Variants in AKAP6 observed in about 807,000 individuals in gnomAD.
AKAP6 encodes A-kinase anchoring protein 6, also known as A-kinase anchor protein 6.
A neutral mutation model predicts 188.5 loss-of-function variants in AKAP6; 58 were observed. The observed-to-expected ratio is 0.31, with a 90% confidence interval of 0.25 to 0.38. The LOEUF (loss-of-function observed/expected upper bound fraction) is 0.38, where lower values mean the gene tolerates loss of function less well. Ranked by LOEUF, AKAP6 falls within the 10% of genes least tolerant of loss-of-function variation. AKAP6 has a pLI of 1.00. For synonymous variants in AKAP6, 989 were observed against 998.6 expected (o/e 0.99, Z 0.18); for missense variants, 2,710 against 2,740.0 (o/e 0.99, Z 0.24).
At chr14:32,478,784 A>G (rs2138890108) in intron 2 of AKAP6, among the ~76,000 whole-genome samples, 1 of 152,334 alleles carries the variant, frequency 6.6e-6, no homozygotes, top group South Asian at 2.1e-4. Flanking sequence ...CTGGCTGTGC[A>G]GATGGAGGAA....
intron 2 of AKAP6, among the ~76,000 whole-genome samples, chr14:32,498,473 G>A (rs549628258): frequency 2.0e-5 from 3 of 152,084 alleles, no homozygotes; most frequent in African/African-American, 4.8e-5. Context: ...AACATCTTAA[G>A]GCATGACTTC....
chr14:32,564,533 C>G (rs1884104821), intron 4 of AKAP6, among the ~76,000 whole-genome samples: 1 of 152,102 alleles, frequency 6.6e-6, no homozygotes, highest in African/African-American at 2.4e-5. Context: ...TGAGCTTGAT[C>G]TTGAAGGATA....
chr14:32,735,105 C>CTGT, intron 10 of AKAP6, among the ~76,000 whole-genome samples: 2 of 152,130 alleles, frequency 1.3e-5, no homozygotes, highest in South Asian at 4.1e-4. Context: ...AAATCAACAA[C>CTGT]ATCACCAAGG....
In AKAP6 at chr14:32,611,355, T is replaced by A. The variant is rs187213369; in HGVS notation, c.2730+10563T>A. On this transcript the variant is annotated intron_variant, in intron 7 of 13. Transcript: ENST00000280979. ...CCTGGGCATAGATATTTTTGTAACC[T>A]CCCCAGGTGATTCTAAAGTACAGGA... Among the ~76,000 whole-genome samples, 145 of 152,242 alleles carry A rather than the reference T, an allele frequency of 9.5e-4. 1 individual carries two copies. The highest frequency in any genetic ancestry group is 3.2e-3 in the African/African-American group (133 of 41,552).
At chr14:32,614,494 T>C (rs1479854496) in intron 7 of AKAP6, among the ~76,000 whole-genome samples, 1 of 152,212 alleles carries the variant, frequency 6.6e-6, no homozygotes, top group Non-Finnish European at 1.5e-5. Flanking sequence ...TCATAAGTGG[T>C]AAAATTTGAT....
intron 5 of AKAP6, among the ~76,000 whole-genome samples, chr14:32,582,301 T>G (rs1319210353): frequency 1.3e-5 from 2 of 152,134 alleles, no homozygotes; most frequent in African/African-American, 4.8e-5. Flanking sequence ...ACTCTTTTCT[T>G]TAAGAATGTT....
At chr14:32,594,949 G>A (rs1331099444) in intron 5 of AKAP6, among the ~76,000 whole-genome samples, 2 of 152,128 alleles carry the variant, frequency 1.3e-5, no homozygotes, top group Middle Eastern at 3.4e-3. Context: ...TTTATCATCA[G>A]AACAGCCAAA....
intron 1 of AKAP6, among the ~76,000 whole-genome samples, chr14:32,414,688 A>AT (rs554668871): frequency 2.6e-5 from 4 of 152,082 alleles, no homozygotes; most frequent in Non-Finnish European, 4.4e-5. Flanking sequence ...TATAATTAAC[A>AT]TTTTTTTGTC....
intron 5 of AKAP6, among the ~76,000 whole-genome samples, chr14:32,597,094 T>G (rs1286270699): frequency 6.6e-6 from 1 of 152,216 alleles, no homozygotes; most frequent in African/African-American, 2.4e-5. Flanking sequence ...TACCTCATCT[T>G]TTCCAATTTC....
chr14:32,764,804 TA>T (rs2032655757), intron 11 of AKAP6, among the ~76,000 whole-genome samples: 1 of 152,072 alleles, frequency 6.6e-6, no homozygotes, highest in Non-Finnish European at 1.5e-5. Flanking sequence ...CACACATAAA[TA>T]TACAAAAAAT....
intron 1 of AKAP6, among the ~76,000 whole-genome samples, chr14:32,408,746 T>A (rs1486911926): frequency 1.3e-5 from 2 of 151,840 alleles, no homozygotes; most frequent in African/African-American, 4.8e-5. Context: ...ATGATCTTTG[T>A]GCCTTCACTC....
intron 4 of AKAP6, among the ~76,000 whole-genome samples, chr14:32,558,167 C>T (rs1242751954): frequency 1.3e-5 from 2 of 152,092 alleles, no homozygotes; most frequent in African/African-American, 2.4e-5. Flanking sequence ...ATTCAAGAAT[C>T]CTAAAGGATC....
chr14:32,362,292 C>G (rs916812871), intron 1 of AKAP6, among the ~76,000 whole-genome samples: 1 of 152,080 alleles, frequency 6.6e-6, no homozygotes. Flanking sequence ...GACTTGTGTG[C>G]GTTACAAAGA....
chr14:32,829,887 G>T lies in AKAP6; in HGVS notation c.*82G>T, dbSNP rs944761470. ...AACTCAGGGGTGGCCTCATCCTCCC[G>T]CCCTGGGCTGGCCTCTGGTTCCATC... On this transcript the variant is annotated 3_prime_UTR_variant, in exon 14 of 14. Coordinates refer to ENST00000280979, the MANE Select transcript of AKAP6 (RefSeq NM_004274.5). 3 of 702,470 alleles carry T rather than the reference G, an allele frequency of 4.3e-6. No individual in the cohort carries two copies. Among genetic ancestry groups the T allele is most frequent in the East Asian group, 2.7e-5 (1 of 37,254 alleles). The allele number at this position is 702,470 out of a possible 1,614,324, so 43.5% of individuals were successfully genotyped here.
At chr14:32,692,728 G>A (rs1477009632) in intron 8 of AKAP6, among the ~76,000 whole-genome samples, 2 of 152,134 alleles carry the variant, frequency 1.3e-5, no homozygotes, top group East Asian at 1.9e-4. Context: ...GGACACTGAG[G>A]ATGCAAAGAT....
intron 1 of AKAP6, among the ~76,000 whole-genome samples, chr14:32,395,709 C>T (rs1888858871): frequency 1.3e-5 from 2 of 152,112 alleles, no homozygotes; most frequent in African/African-American, 4.8e-5. Context: ...TTATTTTTCC[C>T]CCTATTTATC....
intron 11 of AKAP6, among the ~76,000 whole-genome samples, chr14:32,769,037 A>ATTTTTGTTTTTTT (rs2032807212): frequency 1.8e-5 from 1 of 56,926 alleles, no homozygotes; most frequent in Non-Finnish European, 2.9e-5. Flanking sequence ...TGCTCTTTTG[A>ATTTTTGTTTTTTT]TTTTTTTTTT....
chr14:32,575,441 A>G (rs1163132221), intron 4 of AKAP6, among the ~76,000 whole-genome samples: 1 of 152,166 alleles, frequency 6.6e-6, no homozygotes, highest in African/African-American at 2.4e-5. Flanking sequence ...CTTCTGAGTG[A>G]TGACCAACAG....
intron 4 of AKAP6, among the ~76,000 whole-genome samples, chr14:32,573,683 A>G (rs1884592338): frequency 6.6e-6 from 1 of 152,328 alleles, no homozygotes; most frequent in East Asian, 1.9e-4. Context: ...ATAAATGACC[A>G]ATATTTGTTG....
Sources: allele counts gnomAD v4.1 joint callset (sites outside exome capture counted in the v4.1 genomes callset), GRCh38; gene constraint gnomAD v4.1.1; transcripts MANE v1.5; gene names NCBI Gene and HGNC (gene_info 2026-07-23, HGNC 2026-07-21).